The following PCDH15 variants were observed in gnomAD, a reference collection of about 807,000 sequenced individuals.
PCDH15 encodes protocadherin related 15.
Under a neutral mutation model 178.5 loss-of-function variants are expected in PCDH15, and 129 were observed. That is an observed-to-expected ratio of 0.72 (90% CI 0.63 to 0.84). The LOEUF (loss-of-function observed/expected upper bound fraction) is 0.84, where lower values mean the gene tolerates loss of function less well. Among genes scored for constraint, PCDH15 ranks in the 40% least tolerant of loss-of-function variants. The pLI is 0.00. For synonymous variants in PCDH15, 800 were observed against 732.0 expected (o/e 1.09, Z -1.50); for missense variants, 2,230 against 2,099.9 (o/e 1.06, Z -1.21).
intron 5 of PCDH15, among the ~76,000 whole-genome samples, chr10:54,360,289 A>G (rs1391655174): frequency 6.6e-6 from 1 of 152,012 alleles, no homozygotes; most frequent in African/African-American, 2.4e-5. Context: ...TTTCCCACAT[A>G]TGATTACTTT....
In PCDH15 at chr10:55,190,968, A is replaced by T. The variant is rs78529209; in HGVS notation, c.-155-24317T>A. On this transcript the variant is annotated intron_variant, in intron 1 of 5. Transcript: ENST00000458638. ...TCTGTTGTATTTAATATATTATTTG[A>T]TAAACTTATTTTGACAGATGTCTTA... Among the ~76,000 whole-genome samples the T allele has an allele frequency of 2.6e-5, 4 of 151,896 alleles. No homozygotes were observed. In the East Asian group the frequency reaches 7.7e-4, roughly 29 times the overall value.
chr10:54,794,082 A>ATTTCCTTTAAGATATATATTTC (rs1171601152), intron 1 of PCDH15, among the ~76,000 whole-genome samples: 1 of 147,516 alleles, frequency 6.8e-6, no homozygotes, highest in African/African-American at 2.5e-5. Context: ...ATATATATAT[A>ATTTCCTTTAAGATATATATTTC]TTTCCTTTAA....
chr10:55,093,911 T>C (rs1463787597), intron 2 of PCDH15, among the ~76,000 whole-genome samples: 1 of 152,086 alleles, frequency 6.6e-6, no homozygotes, highest in Non-Finnish European at 1.5e-5. Context: ...GGAGAGGATG[T>C]GGAGAAATAG....
At chr10:55,460,354 T>C (rs886402076) in intron 2 of PCDH15, among the ~76,000 whole-genome samples, 5 of 152,182 alleles carry the variant, frequency 3.3e-5, no homozygotes, top group Non-Finnish European at 5.9e-5. Flanking sequence ...GTAGGCACTA[T>C]ACTAGAATCA....
At chr10:54,717,217 A>G (rs1299556883) in intron 1 of PCDH15, among the ~76,000 whole-genome samples, 3 of 126,234 alleles carry the variant, frequency 2.4e-5, no homozygotes, top group Non-Finnish European at 3.4e-5. Flanking sequence ...CTTCATGTCC[A>G]AAACACCAAA....
chr10:55,467,966 C>CAAAAAAAAA lies in PCDH15; in HGVS notation c.-156+159650_-156+159658dup, dbSNP rs71463104. ...TGGGCGATAGAGCCAGACTCCGTCT[C>CAAAAAAAAA]AAAAAAAAAAAAAAAAAAAAAAAAA... On this transcript the variant is annotated intron_variant, in intron 2 of 5. Coordinates refer to the PCDH15 transcript ENST00000613346. Among the ~76,000 whole-genome samples, 23 of 36,636 alleles carry CAAAAAAAAA rather than the reference C, an allele frequency of 6.3e-4. 2 individuals carry two copies. Among genetic ancestry groups the CAAAAAAAAA allele is most frequent in the African/African-American group, 2.6e-3 (17 of 6,590 alleles). The allele number at this position is 36,636 out of a possible 152,430, so 24.0% of individuals were successfully genotyped here.
In PCDH15 at chr10:54,132,940, G is replaced by A; in HGVS notation, c.1852C>T (p.Gln618Ter). 1 of 1,614,092 alleles carries A rather than the reference G, an allele frequency of 6.2e-7. No homozygotes were observed. Among genetic ancestry groups the A allele is most frequent in the Non-Finnish European group, 8.5e-7 (1 of 1,180,010 alleles). Reference sequence around the variant, plus strand: ...CTAATTTCAAGGCTATACATCAGCTGTGGGAAGCGAGGAGGGCTTTGATTA... The same window carrying A: ...CTAATTTCAAGGCTATACATCAGCTATGGGAAGCGAGGAGGGCTTTGATTA... ...PNNQSPPRFP[Q>*]LMYSLEISEA... Residue 618 changes from glutamine (Q) to a stop codon, truncating the protein, a stop_gained, in exon 15 of 38, where the codon CAG (glutamine) becomes TAG (stop). Transcript: ENST00000644397. LOFTEE classifies it high-confidence loss of function.
chr10:54,091,181 A>G (rs2094594962), intron 15 of PCDH15, among the ~76,000 whole-genome samples: 2 of 152,216 alleles, frequency 1.3e-5, no homozygotes, highest in Non-Finnish European at 2.9e-5. Flanking sequence ...ATGGATAAAG[A>G]AAGAAATTTG....
intron 3 of PCDH15, among the ~76,000 whole-genome samples, chr10:54,415,932 G>C (rs1231862635): frequency 6.6e-6 from 1 of 151,992 alleles, no homozygotes; most frequent in Non-Finnish European, 1.5e-5. Flanking sequence ...TGAATTTAAG[G>C]AGGTGAATAG....
At chr10:55,233,840 C>CA (rs1212327145) in intron 1 of PCDH15, among the ~76,000 whole-genome samples, 1 of 152,000 alleles carries the variant, frequency 6.6e-6, no homozygotes, top group Non-Finnish European at 1.5e-5. Flanking sequence ...CTTTGTTTCT[C>CA]AACCATTAAT....
intron 3 of PCDH15, among the ~76,000 whole-genome samples, chr10:54,501,270 G>T (rs1467181141): frequency 6.6e-6 from 1 of 151,574 alleles, no homozygotes; most frequent in Non-Finnish European, 1.5e-5. Context: ...GTACAAGCAA[G>T]GGTGATCATA....
At chr10:53,940,621 G>T (rs2085974510) in intron 24 of PCDH15, among the ~76,000 whole-genome samples, 1 of 152,040 alleles carries the variant, frequency 6.6e-6, no homozygotes, top group Non-Finnish European at 1.5e-5. Flanking sequence ...AAAGGGCAAG[G>T]TTTCATTAAT....
intron 2 of PCDH15, among the ~76,000 whole-genome samples, chr10:55,440,361 C>T (rs184334792): frequency 1.7e-4 from 26 of 151,970 alleles, no homozygotes; most frequent in African/African-American, 3.6e-4. Flanking sequence ...ATCATGTGGA[C>T]GAGAAATGCA....
At chr10:54,956,335 T>C (rs959454898) in intron 2 of PCDH15, among the ~76,000 whole-genome samples, 7 of 151,530 alleles carry the variant, frequency 4.6e-5, no homozygotes, top group African/African-American at 2.4e-5. Context: ...TGGTAAACAA[T>C]GAGTTATATA....
At chr10:54,392,448 G>C (rs1326762918) in intron 3 of PCDH15, among the ~76,000 whole-genome samples, 5 of 115,346 alleles carry the variant, frequency 4.3e-5, no homozygotes, top group Non-Finnish European at 6.7e-5. Context: ...CCTGGCTTGG[G>C]TGACAGAGTG....
At chr10:53,930,888 T>C (rs548132322) in intron 25 of PCDH15, among the ~76,000 whole-genome samples, 1 of 152,340 alleles carries the variant, frequency 6.6e-6, no homozygotes, top group East Asian at 1.9e-4. Context: ...ATTGGCTTTC[T>C]GTACAGCAAG....
chr10:54,858,443 C>A (rs1391046551), intron 3 of PCDH15, among the ~76,000 whole-genome samples: 4 of 152,032 alleles, frequency 2.6e-5, no homozygotes, highest in Non-Finnish European at 5.9e-5. Flanking sequence ...TCATATAGTG[C>A]CCTAATTTGC....
rs1285582987 is a variant in PCDH15, at chr10:53,831,356, G to A, written c.4161C>T (p.Cys1387=). The A allele has an allele frequency of 1.2e-6, 2 of 1,614,022 alleles. No homozygotes were observed. The highest frequency in any genetic ancestry group is 1.7e-6 in the Non-Finnish European group (2 of 1,180,042). Residue 1387 remains cysteine, a synonymous_variant, in exon 30 of 38, where the codon TGC becomes TGT. Transcript: ENST00000644397. ...LLALAFIIIL[C]CIPAILVVLV... is the part of the protein sequence containing the mutation. ...AAACCACCAAGATGGCAGGAATGCA[G>A]CAGAGGATGATGATGAAGGCCAGAG...
intron 2 of PCDH15, among the ~76,000 whole-genome samples, chr10:55,470,252 G>A (rs535751225): frequency 2.0e-5 from 3 of 152,050 alleles, no homozygotes; most frequent in African/African-American, 7.2e-5. Context: ...CGGAGGCTGA[G>A]GCAGAATCTC....
Sources: gnomAD v4.1 joint callset for allele counts (sites outside exome capture counted in the v4.1 genomes callset) on GRCh38, gnomAD v4.1.1 for gene constraint, MANE v1.5 for transcripts, NCBI Gene and HGNC (gene_info 2026-07-23, HGNC 2026-07-21) for gene names.